The following UTRN variants were observed in gnomAD, a reference collection of about 807,000 sequenced individuals.
The protein encoded by UTRN is utrophin.
In UTRN, 283 loss-of-function variants were observed where a neutral mutation model predicts 463.9. The observed-to-expected ratio is 0.61, with a 90% CI of 0.55 to 0.67. UTRN has a LOEUF of 0.67. Among genes scored for constraint, UTRN ranks in the 30% least tolerant of loss-of-function variants. The probability of loss-of-function intolerance (pLI) is 0.00; values close to 1 mark genes in which losing one functional copy is unlikely to be tolerated. For synonymous variants in UTRN, 1,442 were observed against 1,431.5 expected, an observed-to-expected ratio of 1.01 and a Z score of -0.17; for missense variants, 3,922 against 4,084.3, an observed-to-expected ratio of 0.96 and a Z score of 1.08.
intron 58 of UTRN, among the ~76,000 whole-genome samples, chr6:144,768,948 G>GTTTTTTTTTTTTTTTTTTT (rs35525101): frequency 3.2e-5 from 4 of 126,058 alleles, no homozygotes; most frequent in Non-Finnish European, 1.6e-5. Flanking sequence ...TTTGTTTTTT[G>GTTTTTTTTTTTTTTTTTTT]TTTTGTTTTG....
intron 58 of UTRN, among the ~76,000 whole-genome samples, chr6:144,768,115 G>A (rs1409143804): frequency 1.3e-5 from 2 of 152,158 alleles, no homozygotes; most frequent in African/African-American, 2.4e-5. Context: ...AAAAGTGCAT[G>A]TCCTTTGCTG....
chr6:144,660,383 T>C, intron 51 of UTRN: 1 of 421,290 alleles, frequency 2.4e-6, no homozygotes, highest in Non-Finnish European at 4.8e-6. Context: ...TGGTTTAGTA[T>C]AATTTATAAG....
At chr6:144,456,314 A>C (rs775709847) in intron 19 of UTRN, among the ~76,000 whole-genome samples, 1 of 152,176 alleles carries the variant, frequency 6.6e-6, no homozygotes, top group Admixed American at 6.5e-5. Flanking sequence ...TGCATTTTAC[A>C]TAAGTTTTGA....
At chr6:144,339,550 C>T (rs1776981761) in intron 2 of UTRN, among the ~76,000 whole-genome samples, 1 of 149,380 alleles carries the variant, frequency 6.7e-6, no homozygotes, top group African/African-American at 2.6e-5. Context: ...ACTCTGTGTA[C>T]TCTTTTCTTT....
chr6:144,678,585 A>C lies in UTRN; in HGVS notation c.7652+7A>C, dbSNP rs185291160. 552 of 1,590,368 alleles carry C rather than the reference A, an allele frequency of 3.5e-4. No homozygotes were observed. The highest frequency in any genetic ancestry group is 4.4e-4 in the Non-Finnish European group (512 of 1,164,738). On this transcript the variant is annotated splice_region_variant and intron_variant, in intron 52 of 74. Coordinates refer to ENST00000367545, the MANE Select transcript of UTRN (RefSeq NM_007124.3). Reference sequence around the variant, plus strand: ...CAAAATCTGCTAGCATCAGGTCAGAATAGTCAATATCAAAATAAAAATAAT... The same window carrying C: ...CAAAATCTGCTAGCATCAGGTCAGACTAGTCAATATCAAAATAAAAATAAT...
chr6:144,582,188 A>G (rs747335148), intron 51 of UTRN, among the ~76,000 whole-genome samples: 4 of 152,206 alleles, frequency 2.6e-5, no homozygotes, highest in Non-Finnish European at 5.9e-5. Flanking sequence ...TAAGAAAGGC[A>G]AATGAAGTAA....
intron 66 of UTRN, among the ~76,000 whole-genome samples, chr6:144,824,606 A>C (rs1289465475): frequency 0.095 from 3,488 of 36,696 alleles, 217 homozygotes; most frequent in East Asian, 0.39. Flanking sequence ...ATATATATAT[A>C]TATATATCTT....
At chr6:144,711,335 A>C (rs754706319) in intron 53 of UTRN, among the ~76,000 whole-genome samples, 13 of 150,928 alleles carry the variant, frequency 8.6e-5, no homozygotes, top group East Asian at 3.9e-4. Flanking sequence ...AAACAAACAA[A>C]AAAAAAAAAG....
chr6:144,785,247 C>T (rs761180700), intron 61 of UTRN, among the ~76,000 whole-genome samples: 13 of 152,272 alleles, frequency 8.5e-5, no homozygotes, highest in Non-Finnish European at 1.8e-4. Flanking sequence ...ATCATATACC[C>T]GTGACTGCCT....
chr6:144,328,743 C>G (rs148150775), intron 2 of UTRN, among the ~76,000 whole-genome samples: 3 of 151,572 alleles, frequency 2.0e-5, no homozygotes, highest in Non-Finnish European at 2.9e-5. Flanking sequence ...CTTCATCCCC[C>G]CTTCATTGCC....
At chr6:144,551,466 T>G (rs1230990868) in intron 48 of UTRN, among the ~76,000 whole-genome samples, 3 of 152,244 alleles carry the variant, frequency 2.0e-5, no homozygotes, top group African/African-American at 7.2e-5. Context: ...TCTTACTGTG[T>G]CTTTTAACTC....
At chr6:144,769,475 G>A (rs1407581615) in intron 58 of UTRN, among the ~76,000 whole-genome samples, 1 of 152,138 alleles carries the variant, frequency 6.6e-6, no homozygotes, top group East Asian at 1.9e-4. Flanking sequence ...TGCCAAATGT[G>A]TGTGTTCCGT....
At chr6:144,385,977 G>A (rs2114750598) in intron 2 of UTRN, among the ~76,000 whole-genome samples, 1 of 152,232 alleles carries the variant, frequency 6.6e-6, no homozygotes, top group South Asian at 2.1e-4. Context: ...CCAAAGTGCT[G>A]GGATTATAGG....
At chr6:144,344,888 G>A (rs774888549) in intron 2 of UTRN, among the ~76,000 whole-genome samples, 8 of 152,180 alleles carry the variant, frequency 5.3e-5, no homozygotes, top group Non-Finnish European at 1.0e-4. Context: ...GGAAAGTGTC[G>A]TGCACTTTTC....
At chr6:144,816,103 A>G (rs1210966855) in intron 65 of UTRN, among the ~76,000 whole-genome samples, 1 of 152,206 alleles carries the variant, frequency 6.6e-6, no homozygotes, top group African/African-American at 2.4e-5. Context: ...GAGGTTATCA[A>G]GAGGACAGAC....
chr6:144,516,712 C>CT, intron 38 of UTRN, 99 bp from the exon 39 acceptor site: 1 of 970,494 alleles, frequency 1.0e-6, no homozygotes, highest in Non-Finnish European at 1.4e-6. Flanking sequence ...TTGACGTATA[C>CT]TATACTAAGT....
intron 51 of UTRN, among the ~76,000 whole-genome samples, chr6:144,621,987 T>A (rs1775429055): frequency 1.3e-5 from 2 of 152,120 alleles, no homozygotes; most frequent in Admixed American, 1.3e-4. Context: ...TTTAAAGCTC[T>A]TGCTTATTTT....
intron 3 of UTRN, among the ~76,000 whole-genome samples, chr6:144,415,330 C>A (rs1417972267): frequency 1.1e-4 from 16 of 152,182 alleles, no homozygotes; most frequent in Admixed American, 5.2e-4. Context: ...GCTGCTTTCA[C>A]CAGCCTTGAT....
intron 51 of UTRN, among the ~76,000 whole-genome samples, chr6:144,676,787 T>A (rs1339445655): frequency 6.6e-6 from 1 of 152,198 alleles, no homozygotes; most frequent in African/African-American, 2.4e-5. Context: ...ATTTTAGAAA[T>A]AAATTTTATA....
Sources: gnomAD v4.1 joint callset for allele counts (sites outside exome capture counted in the v4.1 genomes callset) on GRCh38, gnomAD v4.1.1 for gene constraint, MANE v1.5 for transcripts, NCBI Gene and HGNC (gene_info 2026-07-23, HGNC 2026-07-21) for gene names.